TMEM94: variants seen among roughly 807,000 people sequenced by gnomAD.
TMEM94 encodes the protein transmembrane protein 94, also known as ER Mg2+ ATPase.
TMEM94 carries 81 observed loss-of-function variants against 158.6 expected under a neutral mutation model. The observed-to-expected ratio is 0.51, with a 90% CI of 0.43 to 0.61. TMEM94 has a LOEUF of 0.61. Among genes scored for constraint, TMEM94 ranks in the 20% least tolerant of loss-of-function variants. TMEM94 has a pLI of 0.00. For synonymous variants in TMEM94, 751 were observed against 730.7 expected, an observed-to-expected ratio of 1.03 and a Z score of -0.45; for missense variants, 1,435 against 1,762.0, an observed-to-expected ratio of 0.81 and a Z score of 3.32.
In TMEM94 at chr17:75,487,394, T is replaced by C; in HGVS notation, c.410-538T>C. The C allele has an allele frequency of 6.3e-6, 1 of 159,422 alleles. No individual in the cohort carries two copies. The highest frequency in any genetic ancestry group is 1.7e-4 in the South Asian group (1 of 5,774). 9.9% of individuals were successfully genotyped at this position (159,422 alleles called of 1,614,324 possible). ...TGTTCTCTGCTGGTGAGCTTCTCCC[T>C]CACTCATCTCCAGCTGACAAAACCA... On this transcript the variant is annotated intron_variant, in intron 5 of 31. Transcript: ENST00000314256. The surrounding 1 kb of genome is among the most constrained non-coding windows in gnomAD (Gnocchi z 4.6).
chr17:75,491,747 C>G lies in TMEM94; in HGVS notation c.1443C>G (p.Ser481=). 1 of 1,614,076 alleles carries G rather than the reference C, an allele frequency of 6.2e-7. No homozygotes were observed. Among genetic ancestry groups the G allele is most frequent in the African/African-American group, 1.3e-5 (1 of 75,052 alleles). The change falls in exon 14 of 32, where the codon TCC becomes TCG. Residue 481 remains serine, a synonymous_variant. Coordinates refer to ENST00000314256, the MANE Select transcript of TMEM94 (RefSeq NM_014738.6). This position sits in a 1 kb window ranked among gnomAD's most constrained non-coding sequence, Gnocchi z 5.1. ...AGSLNNTLHL[S]NEQERGDWPG... ...CCCTGAACAACACCCTGCACCTTTC[C>G]AATGAGCAGGAGCGTGGCGACTGGC...
chr17:75,487,412 CA>C lies in TMEM94; in HGVS notation c.410-516del, dbSNP rs2051713627. 6.3e-6 allele frequency: 1 copy of C among 159,242 alleles called. No individual in the cohort carries two copies. Among genetic ancestry groups the C allele is most frequent in the Non-Finnish European group, 1.4e-5 (1 of 72,388 alleles). The allele number at this position is 159,242 out of a possible 1,614,324, so 9.9% of individuals were successfully genotyped here. On this transcript the variant is annotated intron_variant, in intron 5 of 31. Coordinates refer to ENST00000314256, the MANE Select transcript of TMEM94 (RefSeq NM_014738.6). The surrounding 1 kb of genome is among the most constrained non-coding windows in gnomAD (Gnocchi z 4.6). ...TTCTCCCTCACTCATCTCCAGCTGA[CA>C]AAACCATTCTTCCAGGCCCATCCCC... is the stretch of plus-strand genomic sequence containing the variant.
chr17:75,476,598 C>CTCTTCTCTCT, intron 2 of TMEM94: 1 of 1,512,920 alleles, frequency 6.6e-7, no homozygotes, highest in Admixed American at 2.1e-5. Context: ...CTCTTCTCTC[C>CTCTTCTCTCT]TCTTCTCTCT....
At chr17:75,470,289 T>C (rs544733241) in intron 1 of TMEM94, among the ~76,000 whole-genome samples, 2 of 150,878 alleles carry the variant, frequency 1.3e-5, no homozygotes, top group African/African-American at 4.9e-5. Flanking sequence ...CTGGGCAACA[T>C]AGCAAGACCC....
chr17:75,472,592 G>A (rs1265333011), intron 2 of TMEM94, among the ~76,000 whole-genome samples: 1 of 152,214 alleles, frequency 6.6e-6, no homozygotes, highest in Non-Finnish European at 1.5e-5. Flanking sequence ...GGGAGACTGA[G>A]GCAGGAGAAT....
At chr17:75,460,363 C>G (rs2050022916) in intron 1 of TMEM94, among the ~76,000 whole-genome samples, 1 of 152,096 alleles carries the variant, frequency 6.6e-6, no homozygotes, top group African/African-American at 2.4e-5. Flanking sequence ...TAGAAAAATA[C>G]TGGGAAACAC....
Position 75,487,650 on chromosome 17 carries a change from T to C in TMEM94, c.410-282T>C, listed in dbSNP as rs1044986107. Among the ~76,000 whole-genome samples the C allele has an allele frequency of 4.6e-5, 7 of 152,170 alleles. No individual in the cohort carries two copies. The highest frequency in any genetic ancestry group is 1.7e-4 in the African/African-American group (7 of 41,438). On this transcript the variant is annotated intron_variant, in intron 5 of 31. Transcript: ENST00000314256. The surrounding 1 kb of genome is among the most constrained non-coding windows in gnomAD (Gnocchi z 4.6). The stretch of plus-strand genomic sequence containing the variant: ...TCCACCTTGCACCCCTCACAGGCCC[T>C]CTGCAATGTTTGTGAAGTGTATCTG...
chr17:75,463,079 TAC>T (rs747265512), intron 1 of TMEM94, among the ~76,000 whole-genome samples: 2 of 14,294 alleles, frequency 1.4e-4, no homozygotes, highest in African/African-American at 1.9e-3. Context: ...TATATATATA[TAC>T]ACACACACAC....
At chr17:75,476,556 C>T in intron 2 of TMEM94, 1 of 1,460,200 alleles carries the variant, frequency 6.8e-7, no homozygotes, top group Non-Finnish European at 9.0e-7. Flanking sequence ...CAGCACCCGG[C>T]TTCTTGCTCA....
chr17:75,490,095 AC>A, intron 9 of TMEM94, 138 bp from the exon 10 acceptor site: 3 of 1,234,604 alleles, frequency 2.4e-6, no homozygotes, highest in East Asian at 2.5e-5. Flanking sequence ...AAAAAAAAGA[AC>A]ACCTCTTTCC....
Position 75,496,346 on chromosome 17 carries a change from A to G in TMEM94, c.3118A>G (p.Ile1040Val), listed in dbSNP as rs779438169. 1.2e-6 allele frequency: 2 copies of G among 1,614,018 alleles called. No homozygotes were observed. Among genetic ancestry groups the G allele is most frequent in the African/African-American group, 1.3e-5 (1 of 74,942 alleles). Residue 1040 changes from isoleucine (I) to valine (V), a missense_variant, in exon 24 of 32, where the codon ATC becomes GTC. By Grantham distance (29) the Ile-to-Val change is conservative. Coordinates refer to ENST00000314256, the MANE Select transcript of TMEM94 (RefSeq NM_014738.6). ...SWETFGYATS[I>V]SMAQASDGLS... ...GGAGACCTTTGGCTACGCCACCAGC[A>G]TCAGCATGGCCCAGGCCTCGGATGG...
At position 75,497,808 on chromosome 17, in the gene TMEM94, T is replaced by C; in HGVS notation, c.3435T>C (p.His1145=). The C allele has an allele frequency of 6.2e-7, 1 of 1,613,922 alleles. No homozygotes were observed. Among genetic ancestry groups the C allele is most frequent in the Admixed American group, 1.7e-5 (1 of 60,018 alleles). ...TCTCTCTGCTGGGGAAGCCCCCCCA[T>C]AGCTCCATCATGTCTATGGCAACGG... is the stretch of plus-strand genomic sequence containing the variant. ...LSISLLGKPP[H]SSIMSMATGK... is the part of the protein sequence containing the mutation. The change falls in exon 27 of 32, where the codon CAT becomes CAC. Residue 1145 remains histidine (H), a synonymous_variant. Coordinates refer to ENST00000314256, the MANE Select transcript of TMEM94 (RefSeq NM_014738.6).
In TMEM94 at chr17:75,498,490, C is replaced by A; in HGVS notation, c.3685C>A (p.Leu1229Met). ...CTGGTTTGAGGACTTTGCCAATGGACTGCTGTCGGCTCAGAAGCTCACGGC... is the reference window on the plus strand; with the variant it reads ...CTGGTTTGAGGACTTTGCCAATGGAATGCTGTCGGCTCAGAAGCTCACGGC... Reference protein sequence around the residue: ...PAWFEDFANGLLSAQKLTAAL... With the variant: ...PAWFEDFANGMLSAQKLTAAL... Residue 1229 changes from leucine to methionine, a missense_variant, in exon 29 of 32, where the codon CTG (leucine) becomes ATG (methionine). This residue lies in a region of TMEM94 where 335 missense variants were observed against 409.1 expected (regional missense o/e 0.82). Coordinates refer to ENST00000314256, the MANE Select transcript of TMEM94 (RefSeq NM_014738.6). This position sits in a 1 kb window ranked among gnomAD's most constrained non-coding sequence, Gnocchi z 6.7. 6.3e-7 allele frequency: 1 copy of A among 1,592,336 alleles called. No homozygotes were observed. Among genetic ancestry groups the A allele is most frequent in the South Asian group, 1.1e-5 (1 of 87,566 alleles).
chr17:75,498,370 G>T lies in TMEM94; in HGVS notation c.3638+47G>T. The T allele has an allele frequency of 6.2e-7, 1 of 1,612,350 alleles. No individual in the cohort carries two copies. On this transcript the variant is annotated intron_variant, in intron 28 of 31. Transcript: ENST00000314256. This position sits in a 1 kb window ranked among gnomAD's most constrained non-coding sequence, Gnocchi z 6.7. Reference sequence around the variant, plus strand: ...CCACCCATCGCCTGCCTCGCCTCGAGGCTTCCTCCCTCCCCACCCCAGCCT... The same window carrying T: ...CCACCCATCGCCTGCCTCGCCTCGATGCTTCCTCCCTCCCCACCCCAGCCT...
At position 75,495,128 on chromosome 17, in the gene TMEM94, A is replaced by G. The variant is rs1598428858; in HGVS notation, c.2728+94A>G. ...AGGAAGAGCCTCCGGAGAGCCCTCCAGTTAAGTACATTCCCTTGGGAAATG... is the reference window on the plus strand; with the variant it reads ...AGGAAGAGCCTCCGGAGAGCCCTCCGGTTAAGTACATTCCCTTGGGAAATG... On this transcript the variant is annotated intron_variant, in intron 20 of 31. Coordinates refer to ENST00000314256, the MANE Select transcript of TMEM94 (RefSeq NM_014738.6). This position sits in a 1 kb window ranked among gnomAD's most constrained non-coding sequence, Gnocchi z 5.6. The G allele has an allele frequency of 1.3e-6, 2 of 1,518,378 alleles. No homozygotes were observed. Among genetic ancestry groups the G allele is most frequent in the Non-Finnish European group, 1.8e-6 (2 of 1,120,022 alleles). The allele number at this position is 1,518,378 out of a possible 1,614,324, so 94.1% of individuals were successfully genotyped here.
At position 75,498,170 on chromosome 17, in the gene TMEM94, C is replaced by T. The variant is rs376199236; in HGVS notation, c.3490-5C>T. ...CCCCAGGAGTGACTGGCCTTGTTCC[C>T]GCAGACCCAGCACTACTTCCTGCTC... On this transcript the variant is annotated splice_polypyrimidine_tract_variant and splice_region_variant and intron_variant, in intron 27 of 31. Coordinates refer to ENST00000314256, the MANE Select transcript of TMEM94 (RefSeq NM_014738.6). The surrounding 1 kb of genome is among the most constrained non-coding windows in gnomAD (Gnocchi z 6.7). 2.5e-5 allele frequency: 40 copies of T among 1,613,658 alleles called. No individual in the cohort carries two copies. Among genetic ancestry groups the T allele is most frequent in the Middle Eastern group, 1.6e-4 (1 of 6,084 alleles).
intron 1 of TMEM94, among the ~76,000 whole-genome samples, chr17:75,466,606 C>T (rs886308298): frequency 1.3e-5 from 2 of 152,008 alleles, no homozygotes; most frequent in African/African-American, 2.4e-5. Context: ...CACCTGGGGT[C>T]AGGAGTTCAA....
chr17:75,486,994 G>A (rs2051681020), intron 5 of TMEM94, among the ~76,000 whole-genome samples: 1 of 152,172 alleles, frequency 6.6e-6, no homozygotes, highest in Non-Finnish European at 1.5e-5. Flanking sequence ...GGGGCATGTG[G>A]TGCTGTGGGA....
At position 75,489,276 on chromosome 17, in the gene TMEM94, G is replaced by A. The variant is rs377132682; in HGVS notation, c.775G>A (p.Asp259Asn). The A allele has an allele frequency of 4.3e-6, 7 of 1,614,188 alleles. No homozygotes were observed. The highest frequency in any genetic ancestry group is 5.1e-6 in the Non-Finnish European group (6 of 1,180,014). The change falls in exon 8 of 32, where the codon GAC (aspartate) becomes AAC (asparagine). Residue 259 changes from aspartate to asparagine, a missense_variant. Physicochemically the swap from Asp to Asn is conservative, Grantham distance 23 (BLOSUM62 1). This residue lies in a region of TMEM94 where 1,051 missense variants were observed against 1,254.4 expected (regional missense o/e 0.84). Transcript: ENST00000314256. The surrounding 1 kb of genome is among the most constrained non-coding windows in gnomAD (Gnocchi z 5.0). Reference protein sequence around the residue: ...PVIDNIRWCLDMALSRPVTAL... With the variant: ...PVIDNIRWCLNMALSRPVTAL... Reference sequence around the variant, plus strand: ...CACTTCTTTCTGCAGATGGTGCCTGGACATGGCCCTGTCCCGACCAGTCAC... The same window carrying A: ...CACTTCTTTCTGCAGATGGTGCCTGAACATGGCCCTGTCCCGACCAGTCAC...
Sources: gnomAD v4.1 joint callset for allele counts (sites outside exome capture counted in the v4.1 genomes callset) on GRCh38, gnomAD v4.1.1 for gene constraint, gnomAD v4.1.1 regional missense constraint, Gnocchi (gnomAD v3.1) non-coding constraint, MANE v1.5 for transcripts, NCBI Gene and HGNC (gene_info 2026-07-23, HGNC 2026-07-21) for gene names.